The following STRBP variants were observed in gnomAD, a reference collection of about 807,000 sequenced individuals.
STRBP encodes spermatid perinuclear RNA-binding protein.
In STRBP, 13 loss-of-function variants were observed where a neutral mutation model predicts 80.1. That is an observed-to-expected ratio of 0.16 (90% CI 0.11 to 0.26). The LOEUF (loss-of-function observed/expected upper bound fraction) is 0.26, where lower values mean the gene tolerates loss of function less well. Among genes scored for constraint, STRBP ranks in the 10% least tolerant of loss-of-function variants. The probability of loss-of-function intolerance (pLI) is 1.00; values close to 1 mark genes in which losing one functional copy is unlikely to be tolerated. For synonymous variants in STRBP, 284 were observed against 291.2 expected (o/e 0.98, Z 0.25); for missense variants, 485 against 815.2 (o/e 0.59, Z 4.93).
chr9:123,229,808 G>A (rs532242300), intron 2 of STRBP, among the ~76,000 whole-genome samples: 5 of 152,298 alleles, frequency 3.3e-5, no homozygotes, highest in African/African-American at 1.2e-4. Flanking sequence ...TCAAACAACT[G>A]TCTAACAGAG....
intron 1 of STRBP, among the ~76,000 whole-genome samples, chr9:123,248,227 A>G (rs1341490525): frequency 6.6e-6 from 1 of 151,718 alleles, no homozygotes; most frequent in Non-Finnish European, 1.5e-5. Context: ...TCATCTATCA[A>G]ATAGCAATAA....
intron 1 of STRBP, among the ~76,000 whole-genome samples, chr9:123,262,302 CAG>C (rs2041175844): frequency 6.6e-6 from 1 of 151,948 alleles, no homozygotes; most frequent in South Asian, 2.1e-4. Context: ...AAAATAGAGA[CAG>C]AGCCCTTTAG....
At chr9:123,171,393 G>A (rs1283665780) in intron 5 of STRBP, among the ~76,000 whole-genome samples, 1 of 152,106 alleles carries the variant, frequency 6.6e-6, no homozygotes, top group Non-Finnish European at 1.5e-5. Flanking sequence ...TATGTTAAGT[G>A]CTCGGGAAAA....
intron 17 of STRBP, among the ~76,000 whole-genome samples, chr9:123,129,979 G>A (rs1564215988): frequency 6.6e-6 from 1 of 152,212 alleles, no homozygotes; most frequent in Non-Finnish European, 1.5e-5. Context: ...CTTAAAAAAG[G>A]TTAGCTATCA....
rs533646005 is a variant in STRBP, at chr9:123,115,412, G to C, written c.*84+517C>G. The C allele has an allele frequency of 2.1e-6, 1 of 470,708 alleles. No homozygotes were observed. Among genetic ancestry groups the C allele is most frequent in the African/African-American group, 2.0e-5 (1 of 50,086 alleles). 29.2% of individuals were successfully genotyped at this position (470,708 alleles called of 1,614,324 possible). ...AAGGAGGATCCCTAGCAGGGAGGGG[G>C]AGACCCACTGAAGCCTTTCTCCCTG... On this transcript the variant is annotated intron_variant and NMD_transcript_variant, in intron 3 of 3. Coordinates refer to the STRBP transcript ENST00000471564. This position sits in a 1 kb window ranked among gnomAD's most constrained non-coding sequence, Gnocchi z 5.0.
chr9:123,187,915 C>T (rs1476194799), intron 2 of STRBP, among the ~76,000 whole-genome samples: 1 of 151,788 alleles, frequency 6.6e-6, no homozygotes, highest in Non-Finnish European at 1.5e-5. Flanking sequence ...TTGCATTGTA[C>T]ATTCTATGGA....
intron 1 of STRBP, among the ~76,000 whole-genome samples, chr9:123,264,630 G>T (rs752479390): frequency 6.6e-6 from 1 of 152,210 alleles, no homozygotes; most frequent in African/African-American, 2.4e-5. Flanking sequence ...TTCTAGAGAA[G>T]AAACCAGCAC....
At chr9:123,217,626 C>CA (rs142315093) in intron 2 of STRBP, among the ~76,000 whole-genome samples, 102 of 152,316 alleles carry the variant, frequency 6.7e-4, no homozygotes, top group African/African-American at 2.4e-3. Context: ...TCAATGCAAA[C>CA]AGTCACCAGA....
At chr9:123,241,649 T>C (rs1455402322) in intron 1 of STRBP, among the ~76,000 whole-genome samples, 1 of 152,238 alleles carries the variant, frequency 6.6e-6, no homozygotes, top group Non-Finnish European at 1.5e-5. Flanking sequence ...GGCATTATCT[T>C]TGATTCCCTT....
At chr9:123,235,000 G>C (rs867075539) in intron 2 of STRBP, among the ~76,000 whole-genome samples, 23 of 149,030 alleles carry the variant, frequency 1.5e-4, no homozygotes, top group East Asian at 9.8e-4. Flanking sequence ...TTTTTTTGGG[G>C]GGGGGGGGTA....
At chr9:123,209,758 T>C (rs1232203776) in intron 2 of STRBP, among the ~76,000 whole-genome samples, 1 of 152,176 alleles carries the variant, frequency 6.6e-6, no homozygotes, top group Non-Finnish European at 1.5e-5. Flanking sequence ...CAGAATGAAA[T>C]ATTTTCAAGC....
chr9:123,222,009 G>A (rs1399468350), intron 2 of STRBP, among the ~76,000 whole-genome samples: 1 of 151,994 alleles, frequency 6.6e-6, no homozygotes, highest in Non-Finnish European at 1.5e-5. Context: ...TTATTATGTG[G>A]GGTATACAAA....
chr9:123,138,022 C>T (rs768184797), intron 14 of STRBP, among the ~76,000 whole-genome samples: 1 of 152,004 alleles, frequency 6.6e-6, no homozygotes, highest in Non-Finnish European at 1.5e-5. Flanking sequence ...AAAAATGAGT[C>T]GAGACATAAA....
At chr9:123,216,921 C>A (rs541801146) in intron 2 of STRBP, among the ~76,000 whole-genome samples, 1 of 152,284 alleles carries the variant, frequency 6.6e-6, no homozygotes, top group East Asian at 1.9e-4. Context: ...CAAAGGTACA[C>A]AAGGGAAAAT....
chr9:123,239,114 G>A (rs1047075337), intron 1 of STRBP, among the ~76,000 whole-genome samples: 1 of 152,110 alleles, frequency 6.6e-6, no homozygotes, highest in Non-Finnish European at 1.5e-5. Context: ...GGTAGCTCAC[G>A]CCTGTAATCC....
chr9:123,243,265 C>CAAAAAAAAAAAAA (rs1160280485), intron 1 of STRBP, among the ~76,000 whole-genome samples: 12 of 78,934 alleles, frequency 1.5e-4, no homozygotes, highest in Non-Finnish European at 2.6e-4. Context: ...ATCAATAAGA[C>CAAAAAAAAAAAAA]AAAAAAAAAA....
chr9:123,113,573 G>GTCAC (rs1471971053), intron 3 of STRBP: 1 of 167,246 alleles, frequency 6.0e-6, no homozygotes, highest in Non-Finnish European at 1.5e-5. Context: ...TGTCCCACGT[G>GTCAC]TCACTCAAAA....
intron 2 of STRBP, among the ~76,000 whole-genome samples, chr9:123,197,340 A>G (rs2540072): frequency 0.97 from 147,269 of 152,230 alleles, 71,420 homozygotes; most frequent in Non-Finnish European, 1. Flanking sequence ...GGGTGATTAC[A>G]GTCAGTAATT....
chr9:123,252,871 G>C (rs529595405), intron 1 of STRBP, among the ~76,000 whole-genome samples: 1 of 152,084 alleles, frequency 6.6e-6, no homozygotes, highest in African/African-American at 2.4e-5. Context: ...AACATGATTC[G>C]GGCCAAAACA....
Sources: gnomAD v4.1 joint callset for allele counts (sites outside exome capture counted in the v4.1 genomes callset) on GRCh38, gnomAD v4.1.1 for gene constraint, Gnocchi (gnomAD v3.1) non-coding constraint, MANE v1.5 for transcripts, NCBI Gene and HGNC (gene_info 2026-07-23, HGNC 2026-07-21) for gene names.